The following RGS7 variants were observed in gnomAD, a reference collection of about 807,000 sequenced individuals.
The protein encoded by RGS7 is regulator of G-protein signaling 7.
Under a neutral mutation model 81.1 loss-of-function variants are expected in RGS7, and 27 were observed. The observed-to-expected ratio is 0.33, with a 90% confidence interval of 0.25 to 0.46. The LOEUF is 0.46. RGS7 is among the 20% of genes least tolerant of loss of function. The pLI, the probability that RGS7 is intolerant of heterozygous loss-of-function variation, is 1.00. For missense variants in RGS7, 396 were observed against 607.4 expected (o/e 0.65, Z 3.66); for synonymous variants, 208 against 207.7 (o/e 1.00, Z -0.01).
In RGS7 at chr1:240,924,179, T is replaced by C. The variant is rs75077060; in HGVS notation, c.385+6538A>G. On this transcript the variant is annotated intron_variant, in intron 6 of 18. Coordinates refer to ENST00000440928, the MANE Select transcript of RGS7 (RefSeq NM_001364886.1). ...TCTCAAATCTGCTATAATTATTTTATGTCAGCCTACAATTGCTGTGGTTGG... is the reference window on the plus strand; with the variant it reads ...TCTCAAATCTGCTATAATTATTTTACGTCAGCCTACAATTGCTGTGGTTGG... Among the ~76,000 whole-genome samples the C allele has an allele frequency of 5.7e-3, 874 of 152,336 alleles. 8 individuals are homozygous for C. Among genetic ancestry groups the C allele is most frequent in the African/African-American group, 0.02 (829 of 41,582 alleles).
chr1:240,917,519 C>T (rs1465733371), intron 6 of RGS7, among the ~76,000 whole-genome samples: 3 of 152,102 alleles, frequency 2.0e-5, no homozygotes, highest in African/African-American at 7.2e-5. Flanking sequence ...AGTTGCATTA[C>T]ATGTTAAGTG....
chr1:240,904,018 C>T (rs1389724663), intron 6 of RGS7, among the ~76,000 whole-genome samples: 1 of 152,174 alleles, frequency 6.6e-6, no homozygotes, highest in Admixed American at 6.5e-5. Context: ...GTCCGCTATT[C>T]CTTCCTAGCA....
At chr1:241,083,293 A>AG (rs1173561571) in intron 3 of RGS7, among the ~76,000 whole-genome samples, 1 of 143,736 alleles carries the variant, frequency 7.0e-6, no homozygotes, top group Non-Finnish European at 1.5e-5. Flanking sequence ...CAAGACAAAA[A>AG]AAAAGAAAAG....
At chr1:241,002,453 CA>C (rs56234845) in intron 3 of RGS7, among the ~76,000 whole-genome samples, 55,890 of 145,338 alleles carry the variant, frequency 0.38, 10,517 homozygotes, top group Admixed American at 0.45. Flanking sequence ...AACTCTGTCT[CA>C]AAAAAAAAAA....
chr1:241,057,368 TA>T (rs2061525507), intron 3 of RGS7, among the ~76,000 whole-genome samples: 2 of 152,222 alleles, frequency 1.3e-5, no homozygotes, highest in Admixed American at 1.3e-4. Context: ...GTTTAGGCTT[TA>T]AAAATTCCTG....
intron 2 of RGS7, among the ~76,000 whole-genome samples, chr1:241,236,185 G>A (rs1203366263): frequency 6.9e-6 from 1 of 144,674 alleles, no homozygotes. Context: ...CCATATTTTA[G>A]AAACAAATAA....
At chr1:240,798,381 C>A (rs1418589274) in intron 18 of RGS7, among the ~76,000 whole-genome samples, 1 of 152,126 alleles carries the variant, frequency 6.6e-6, no homozygotes, top group Non-Finnish European at 1.5e-5. Flanking sequence ...ATTTTTCTAA[C>A]CTTGGTTATA....
At chr1:241,328,192 T>C (rs2081733855) in intron 2 of RGS7, among the ~76,000 whole-genome samples, 1 of 152,254 alleles carries the variant, frequency 6.6e-6, no homozygotes, top group Non-Finnish European at 1.5e-5. Context: ...TAGGAATCTA[T>C]TCCTGTTCAC....
intron 6 of RGS7, among the ~76,000 whole-genome samples, chr1:240,874,174 C>T (rs1445935094): frequency 6.6e-6 from 1 of 152,304 alleles, no homozygotes; most frequent in Non-Finnish European, 1.5e-5. Flanking sequence ...CACTTTAATC[C>T]TGGACTTCTC....
chr1:240,778,160 T>C (rs1683292329), intron 18 of RGS7, among the ~76,000 whole-genome samples: 1 of 150,426 alleles, frequency 6.6e-6, no homozygotes, highest in Non-Finnish European at 1.5e-5. Context: ...CATGATCTAA[T>C]GACCTTCCAA....
At chr1:241,098,855 C>A in intron 2 of RGS7, 93 bp from the exon 3 acceptor site, 1 of 873,440 alleles carries the variant, frequency 1.1e-6, no homozygotes, top group South Asian at 1.4e-5. Flanking sequence ...CCTGTTTTGC[C>A]CAACTAAGAA....
At chr1:241,187,034 C>G (rs190325699) in intron 2 of RGS7, among the ~76,000 whole-genome samples, 1 of 152,036 alleles carries the variant, frequency 6.6e-6, no homozygotes, top group East Asian at 1.9e-4. Flanking sequence ...GAATGCCAAA[C>G]GAGAATAGAT....
At chr1:240,812,510 C>T (rs1409574599) in intron 13 of RGS7, among the ~76,000 whole-genome samples, 1 of 151,362 alleles carries the variant, frequency 6.6e-6, no homozygotes, top group Non-Finnish European at 1.5e-5. Flanking sequence ...TCTCGGCTCA[C>T]TGCAACCTCC....
Position 240,975,428 on chromosome 1 carries a change from A to C in RGS7, c.226+7651T>G, listed in dbSNP as rs200355360. ...ACAAACAAACAAACAAACAAACAAA[A>C]AAACACAGAAATGCATAACGTTCCT... On this transcript the variant is annotated intron_variant, in intron 4 of 18. Transcript: ENST00000440928. 1.8e-3 allele frequency among the ~76,000 whole-genome samples: 251 copies of C among 138,086 alleles called. 2 individuals are homozygous for C. Among genetic ancestry groups the C allele is most frequent in the African/African-American group, 5.9e-3 (236 of 39,802 alleles). The allele number at this position is 138,086 out of a possible 152,430, so 90.6% of individuals were successfully genotyped here.
At chr1:240,929,989 C>G (rs1675126931) in intron 6 of RGS7, among the ~76,000 whole-genome samples, 1 of 152,210 alleles carries the variant, frequency 6.6e-6, no homozygotes, top group Non-Finnish European at 1.5e-5. Context: ...CTAGCATCTT[C>G]TACTGCACTG....
At chr1:241,017,875 G>C (rs867664971) in intron 3 of RGS7, among the ~76,000 whole-genome samples, 24 of 152,036 alleles carry the variant, frequency 1.6e-4, no homozygotes, top group Admixed American at 1.2e-3. Context: ...GCTTTAACAT[G>C]GTAATCATAG....
chr1:241,040,017 C>T (rs543696864), intron 3 of RGS7, among the ~76,000 whole-genome samples: 2 of 152,174 alleles, frequency 1.3e-5, no homozygotes, highest in East Asian at 1.9e-4. Flanking sequence ...AAGTGCCCAA[C>T]GGCTGAATTT....
Position 241,075,702 on chromosome 1 carries a change from G to T in RGS7, c.175+22964C>A, listed in dbSNP as rs564188639. Among the ~76,000 whole-genome samples, 8 of 152,322 alleles carry T rather than the reference G, an allele frequency of 5.3e-5. No individual in the cohort carries two copies. In the East Asian group the frequency reaches 1.4e-3, roughly 26 times the overall value. ...GGGCCACATGCAGCCTGTGGGCCAT[G>T]GGTTGGACAAGCTTGCCCTAGATGA... On this transcript the variant is annotated intron_variant, in intron 3 of 18. Coordinates refer to ENST00000440928, the MANE Select transcript of RGS7 (RefSeq NM_001364886.1).
intron 9 of RGS7, among the ~76,000 whole-genome samples, chr1:240,862,973 G>A (rs569298938): frequency 3.3e-5 from 5 of 151,228 alleles, no homozygotes; most frequent in African/African-American, 1.2e-4. Flanking sequence ...GTGTATTTTA[G>A]AGACAGGGTT....
Sources: gnomAD v4.1 joint callset for allele counts (sites outside exome capture counted in the v4.1 genomes callset) on GRCh38, gnomAD v4.1.1 for gene constraint, MANE v1.5 for transcripts, NCBI Gene and HGNC (gene_info 2026-07-23, HGNC 2026-07-21) for gene names.